Variants in PRKCG observed in about 807,000 individuals in gnomAD.
PRKCG encodes the protein protein kinase C gamma, also known as protein kinase C gamma type.
In PRKCG, 28 loss-of-function variants were observed where a neutral mutation model predicts 82.0. That is an observed-to-expected ratio of 0.34 (90% CI 0.25 to 0.47). The LOEUF is 0.47. Among genes scored for constraint, PRKCG ranks in the 20% least tolerant of loss-of-function variants. The pLI, the probability that PRKCG is intolerant of heterozygous loss-of-function variation, is 1.00. For synonymous variants in PRKCG, 383 were observed against 376.6 expected (o/e 1.02, Z -0.20); for missense variants, 640 against 952.7 (o/e 0.67, Z 4.32).
upstream of PRKCG, among the ~76,000 whole-genome samples, chr19:53,881,607 G>A (rs2068590242): frequency 2.6e-5 from 4 of 151,770 alleles, no homozygotes; most frequent in Admixed American, 1.3e-4. Context: ...TACAGATGGA[G>A]ACACACAGCA....
intron 14 of PRKCG, among the ~76,000 whole-genome samples, chr19:53,902,059 C>T (rs1225053989): frequency 6.6e-6 from 1 of 151,966 alleles, no homozygotes; most frequent in Non-Finnish European, 1.5e-5. Flanking sequence ...TGACTCGTGC[C>T]CAAATAATCA....
chr19:53,886,139 C>CT (rs1211062508), intron 3 of PRKCG, among the ~76,000 whole-genome samples: 3 of 151,082 alleles, frequency 2.0e-5, no homozygotes, highest in Admixed American at 2.0e-4. Context: ...GAGTTTCACT[C>CT]TGTCACCCAG....
chr19:53,898,781 CCGGGGGGGGG>C, intron 11 of PRKCG, among the ~76,000 whole-genome samples, 153 bp downstream of exon 11: 1 of 6,540 alleles, frequency 1.5e-4, no homozygotes, highest in Non-Finnish European at 3.0e-4. Flanking sequence ...GGGGGCGTGG[CCGGGGGGGGG>C]TCCTTGGGGG....
chr19:53,904,878 T>C (rs2068790363), intron 16 of PRKCG, 136 bp downstream of exon 16: 1 of 738,692 alleles, frequency 1.4e-6, no homozygotes, highest in East Asian at 2.7e-5. Context: ...ATATGATGCA[T>C]AGGTTTTGTT....
chr19:53,891,705 C>T lies in PRKCG; in HGVS notation c.561C>T (p.Asp187=), dbSNP rs1482526712. ...VGEARNLIPM[D]PNGLSDPYVK... ...AGGCCCGTAACCTAATTCCTATGGA[C>T]CCCAATGGTCTCTCTGATCCCTATG... Residue 187 remains aspartate (D), a synonymous_variant, in exon 6 of 18, where the codon GAC becomes GAT. Coordinates refer to ENST00000263431, the MANE Select transcript of PRKCG (RefSeq NM_002739.5). 2 of 1,614,072 alleles carry T rather than the reference C, an allele frequency of 1.2e-6. No individual in the cohort carries two copies. The highest frequency in any genetic ancestry group is 3.3e-5 in the Admixed American group (2 of 60,006).
rs2068602690 is a variant in PRKCG, at chr19:53,882,765, C to T, written c.170+101C>T. On this transcript the variant is annotated intron_variant, in intron 1 of 17. Coordinates refer to ENST00000263431, the MANE Select transcript of PRKCG (RefSeq NM_002739.5). This position sits in a 1 kb window ranked among gnomAD's most constrained non-coding sequence, Gnocchi z 6.1. ...AAGGAAGAAGGAGGGGGCTGTAGTC[C>T]CGACTCCCAGGTTCTAGGATGGCCA... 2 of 1,469,652 alleles carry T rather than the reference C, an allele frequency of 1.4e-6. No homozygotes were observed. Among genetic ancestry groups the T allele is most frequent in the African/African-American group, 1.4e-5 (1 of 71,068 alleles). 91.0% of individuals were successfully genotyped at this position (1,469,652 alleles called of 1,614,324 possible). A position where few individuals can be genotyped will look rare whatever the true frequency, so the allele number is the denominator to read the frequency against.
intron 3 of PRKCG, among the ~76,000 whole-genome samples, chr19:53,885,661 G>A (rs924518965): frequency 1.3e-4 from 20 of 152,108 alleles, no homozygotes; most frequent in Admixed American, 1.1e-3. Context: ...ACACAAGATC[G>A]GAGACAGTTT....
At chr19:53,897,030 C>T (rs555722704) in intron 9 of PRKCG, among the ~76,000 whole-genome samples, 10 of 152,210 alleles carry the variant, frequency 6.6e-5, no homozygotes, top group Middle Eastern at 3.4e-3. Context: ...GAAGACCTAA[C>T]GGCACATCCA....
intron 17 of PRKCG, 56 bp downstream of exon 17, chr19:53,906,513 G>A: frequency 6.4e-7 from 1 of 1,569,788 alleles, no homozygotes; most frequent in Non-Finnish European, 8.6e-7. Flanking sequence ...GGGTTCCCCT[G>A]GGCCTCAATA....
intron 8 of PRKCG, 134 bp from the exon 9 acceptor site, chr19:53,893,228 A>T: frequency 7.8e-7 from 1 of 1,276,474 alleles, no homozygotes; most frequent in Non-Finnish European, 1.1e-6. Flanking sequence ...AGGGGACTCG[A>T]GCCCCAGGGT....
intron 9 of PRKCG, among the ~76,000 whole-genome samples, chr19:53,897,360 G>A (rs1339004254): frequency 3.9e-5 from 6 of 152,284 alleles, no homozygotes; most frequent in Admixed American, 1.3e-4. Flanking sequence ...GGGGGGCCGA[G>A]GCAGGAAAAG....
Position 53,900,327 on chromosome 19 carries a change from G to A in PRKCG, c.1373+3G>A, listed in dbSNP as rs370828743. On this transcript the variant is annotated splice_donor_region_variant and intron_variant, in intron 12 of 17. Transcript: ENST00000263431. This position sits in a 1 kb window ranked among gnomAD's most constrained non-coding sequence, Gnocchi z 4.2. ...AAGTTTAAGGAGCCCCATGCAGCGTGAGTCTCGGCCAACAGAGAATGGTCG... is the reference window on the plus strand; with the variant it reads ...AAGTTTAAGGAGCCCCATGCAGCGTAAGTCTCGGCCAACAGAGAATGGTCG... 18 of 1,614,002 alleles carry A rather than the reference G, an allele frequency of 1.1e-5. No individual in the cohort carries two copies. The highest frequency in any genetic ancestry group is 1.4e-5 in the Non-Finnish European group (17 of 1,180,030).
chr19:53,892,784 ACACACACG>A lies in PRKCG; in HGVS notation c.821+149_821+156del. The stretch of plus-strand genomic sequence containing the variant: ...CACACACACACACACACACACACGC[ACACACACG>A]CACACACCCCTCTCTCTCTATTCTT... On this transcript the variant is annotated intron_variant, in intron 7 of 17. Transcript: ENST00000263431. This position sits in a 1 kb window ranked among gnomAD's most constrained non-coding sequence, Gnocchi z 5.9. 23 of 1,081,008 alleles carry A rather than the reference ACACACACG, an allele frequency of 2.1e-5. No homozygotes were observed. The highest frequency in any genetic ancestry group is 2.9e-5 in the Non-Finnish European group (22 of 749,358). 67.0% of individuals were successfully genotyped at this position (1,081,008 alleles called of 1,614,324 possible).
intron 9 of PRKCG, among the ~76,000 whole-genome samples, chr19:53,894,446 T>C (rs111741257): frequency 6.7e-6 from 1 of 149,878 alleles, no homozygotes; most frequent in African/African-American, 2.5e-5. Context: ...ATATCCTTCT[T>C]TTTCTTTCTT....
rs1048733244 is a variant in PRKCG, at chr19:53,884,877, G to A, written c.285+634G>A. 2.6e-5 allele frequency among the ~76,000 whole-genome samples: 4 copies of A among 152,226 alleles called. No homozygotes were observed. Among genetic ancestry groups the A allele is most frequent in the Admixed American group, 2.6e-4 (4 of 15,282 alleles). Reference sequence around the variant, plus strand: ...CCACAGTACACTTGCACACATGTGCGTGCATGTACAGATGCCCCTGTCATC... The same window carrying A: ...CCACAGTACACTTGCACACATGTGCATGCATGTACAGATGCCCCTGTCATC... On this transcript the variant is annotated intron_variant, in intron 3 of 17. Coordinates refer to ENST00000263431, the MANE Select transcript of PRKCG (RefSeq NM_002739.5). The surrounding 1 kb of genome is among the most constrained non-coding windows in gnomAD (Gnocchi z 4.6).
intron 9 of PRKCG, among the ~76,000 whole-genome samples, chr19:53,896,617 G>A (rs1213500487): frequency 2.0e-5 from 3 of 152,042 alleles, no homozygotes; most frequent in South Asian, 2.1e-4. Context: ...ATGGGGCTTC[G>A]CCATGTTGGC....
At position 53,900,096 on chromosome 19, in the gene PRKCG, A is replaced by T; in HGVS notation, c.1282-137A>T. On this transcript the variant is annotated intron_variant, in intron 11 of 17. Coordinates refer to ENST00000263431, the MANE Select transcript of PRKCG (RefSeq NM_002739.5). The surrounding 1 kb of genome is among the most constrained non-coding windows in gnomAD (Gnocchi z 4.2). ...AGGATTAGCACCTTAGGGCCCTCCC[A>T]GGGATGTGGCTAGGTGCTCTGAATT... 1.2e-6 allele frequency: 1 copy of T among 814,218 alleles called. No individual in the cohort carries two copies. The highest frequency in any genetic ancestry group is 1.4e-5 in the South Asian group (1 of 71,038). 50.4% of individuals were successfully genotyped at this position (814,218 alleles called of 1,614,324 possible).
rs1016937054 is a variant in PRKCG at position 53,893,226 on chromosome 19, C to T, written c.910-136C>T. ...CCCTCCTCTGCTCTTCTAGGGGACTCGAGCCCCAGGGTCTGATGGGAATTA... is the reference window on the plus strand; with the variant it reads ...CCCTCCTCTGCTCTTCTAGGGGACTTGAGCCCCAGGGTCTGATGGGAATTA... On this transcript the variant is annotated intron_variant, in intron 8 of 17. Coordinates refer to ENST00000263431, the MANE Select transcript of PRKCG (RefSeq NM_002739.5). The T allele has an allele frequency of 1.7e-5, 21 of 1,270,276 alleles. 1 individual carries two copies. The highest frequency in any genetic ancestry group is 1.1e-4 in the South Asian group (9 of 82,560). The allele number at this position is 1,270,276 out of a possible 1,614,324, so 78.7% of individuals were successfully genotyped here.
intron 16 of PRKCG, among the ~76,000 whole-genome samples, 153 bp downstream of exon 16, chr19:53,904,895 A>T (rs1371637900): frequency 6.6e-6 from 1 of 152,194 alleles, no homozygotes; most frequent in Non-Finnish European, 1.5e-5. Context: ...TGTTAGAACA[A>T]TGATTTCCAG....
Sources: gnomAD v4.1 joint callset for allele counts (sites outside exome capture counted in the v4.1 genomes callset) on GRCh38, gnomAD v4.1.1 for gene constraint, Gnocchi (gnomAD v3.1) non-coding constraint, MANE v1.5 for transcripts, NCBI Gene and HGNC (gene_info 2026-07-23, HGNC 2026-07-21) for gene names.